The following FSTL5 variants were observed in gnomAD, a reference collection of about 807,000 sequenced individuals.
FSTL5 encodes follistatin-related protein 5.
Under a neutral mutation model 89.1 loss-of-function variants are expected in FSTL5, and 62 were observed. The ratio of observed to expected loss-of-function variants is 0.70; its 90% CI spans 0.57 to 0.86. FSTL5 has a LOEUF of 0.86. Ranked by LOEUF, FSTL5 falls within the 40% of genes least tolerant of loss-of-function variation. The probability of loss-of-function intolerance (pLI) is 0.00; values close to 1 mark genes in which losing one functional copy is unlikely to be tolerated. For synonymous variants in FSTL5, 383 were observed against 346.2 expected, an observed-to-expected ratio of 1.11 and a Z score of -1.18; for missense variants, 1,057 against 1,001.6, an observed-to-expected ratio of 1.06 and a Z score of -0.75.
At chr4:161,750,533 A>T (rs1472273287) in intron 6 of FSTL5, among the ~76,000 whole-genome samples, 1 of 152,140 alleles carries the variant, frequency 6.6e-6, no homozygotes, top group Non-Finnish European at 1.5e-5. Context: ...AAATTTCAAA[A>T]TATTAGGATG....
chr4:162,059,508 C>T (rs371382377), intron 2 of FSTL5, among the ~76,000 whole-genome samples: 252 of 152,210 alleles, frequency 1.7e-3, no homozygotes, highest in African/African-American at 5.8e-3. Context: ...AATATAATAT[C>T]TATTTGTGTT....
chr4:161,707,159 A>G (rs1381205309), intron 6 of FSTL5, among the ~76,000 whole-genome samples: 1 of 151,914 alleles, frequency 6.6e-6, no homozygotes, highest in Non-Finnish European at 1.5e-5. Context: ...TTCTAGAAAT[A>G]CAAATTGTTT....
intron 3 of FSTL5, among the ~76,000 whole-genome samples, chr4:161,946,931 G>A (rs1417591628): frequency 1.3e-5 from 2 of 151,998 alleles, no homozygotes; most frequent in African/African-American, 4.8e-5. Flanking sequence ...GATGTGGCAC[G>A]GTATCTTACT....
At position 161,765,877 on chromosome 4, in the gene FSTL5, C is replaced by T. The variant is rs140769364; in HGVS notation, c.607-6346G>A. Among the ~76,000 whole-genome samples the T allele has an allele frequency of 9.9e-5, 15 of 151,572 alleles. No individual in the cohort carries two copies. The East Asian group carries it at 1.8e-3, about 18-fold the overall frequency. ...GTGGCACAATCTCGGCTCACTGCAA[C>T]CTTGCCTCCCGGGTTCAAGCGATTC... is the stretch of plus-strand genomic sequence containing the variant. On this transcript the variant is annotated intron_variant, in intron 5 of 15. Coordinates refer to ENST00000306100, the MANE Select transcript of FSTL5 (RefSeq NM_020116.5).
chr4:161,613,190 C>T (rs1477996318), intron 7 of FSTL5, among the ~76,000 whole-genome samples: 1 of 152,148 alleles, frequency 6.6e-6, no homozygotes, highest in Non-Finnish European at 1.5e-5. Context: ...CGGTGGTTCA[C>T]GCCTGTTATC....
chr4:162,130,095 G>T (rs997320581), intron 1 of FSTL5, among the ~76,000 whole-genome samples: 2 of 152,158 alleles, frequency 1.3e-5, no homozygotes, highest in Admixed American at 1.3e-4. Context: ...AAGCAACGAA[G>T]TGGAGGTCTT....
intron 1 of FSTL5, among the ~76,000 whole-genome samples, chr4:162,147,445 T>G (rs1189099025): frequency 3.3e-5 from 5 of 152,168 alleles, no homozygotes; most frequent in African/African-American, 1.2e-4. Context: ...AAATCTACAA[T>G]TGTTCTTTCA....
chr4:161,439,356 C>T (rs1365806482), intron 15 of FSTL5, among the ~76,000 whole-genome samples: 1 of 152,088 alleles, frequency 6.6e-6, no homozygotes, highest in Non-Finnish European at 1.5e-5. Context: ...CACGTAGTGC[C>T]CACAGCAGAG....
chr4:161,489,661 G>A (rs892997657), intron 12 of FSTL5, among the ~76,000 whole-genome samples: 9 of 152,016 alleles, frequency 5.9e-5, no homozygotes, highest in African/African-American at 2.2e-4. Context: ...ATTGGTTAGT[G>A]AGGGAAAAAA....
intron 4 of FSTL5, among the ~76,000 whole-genome samples, chr4:161,912,284 A>G (rs1733715735): frequency 6.6e-6 from 1 of 152,206 alleles, no homozygotes; most frequent in Admixed American, 6.5e-5. Flanking sequence ...TGAATATGGT[A>G]AGTGAAATAT....
intron 4 of FSTL5, among the ~76,000 whole-genome samples, chr4:161,862,035 C>CAA (rs1731933520): frequency 6.6e-6 from 1 of 152,130 alleles, no homozygotes; most frequent in Admixed American, 6.5e-5. Context: ...AATTAACCCT[C>CAA]AATGGGAATG....
chr4:161,428,869 T>C (rs1013136650), intron 15 of FSTL5, among the ~76,000 whole-genome samples: 1 of 151,954 alleles, frequency 6.6e-6, no homozygotes, highest in Non-Finnish European at 1.5e-5. Context: ...GGGGACTTAG[T>C]TTTGCTGCTT....
chr4:161,625,263 G>T (rs1735275984), intron 7 of FSTL5, among the ~76,000 whole-genome samples: 1 of 152,018 alleles, frequency 6.6e-6, no homozygotes, highest in African/African-American at 2.4e-5. Context: ...CAAACGAAAA[G>T]GTTCTGGTAA....
intron 15 of FSTL5, among the ~76,000 whole-genome samples, chr4:161,444,123 A>T (rs1183856259): frequency 6.6e-6 from 1 of 151,960 alleles, no homozygotes; most frequent in East Asian, 1.9e-4. Context: ...TGTTTGGTGA[A>T]CAGAGTAGAG....
chr4:161,621,827 CAAAAAAAAA>C (rs58143952), intron 7 of FSTL5, among the ~76,000 whole-genome samples: 15,675 of 90,410 alleles, frequency 0.17, 940 homozygotes, highest in South Asian at 0.31. Flanking sequence ...TCTAAAAATA[CAAAAAAAAA>C]AAAAAAAAAA....
At chr4:161,973,828 C>T (rs977438271) in intron 3 of FSTL5, among the ~76,000 whole-genome samples, 71 of 152,014 alleles carry the variant, frequency 4.7e-4, no homozygotes, top group African/African-American at 1.6e-3. Context: ...AAGATTATCT[C>T]CCGACGACAT....
rs373004545 is a variant in FSTL5, at chr4:161,591,685, C to G, written c.895-4110G>C. 5.3e-5 allele frequency among the ~76,000 whole-genome samples: 8 copies of G among 152,076 alleles called. No individual in the cohort carries two copies. The East Asian group carries it at 1.3e-3, about 26-fold the overall frequency. On this transcript the variant is annotated intron_variant, in intron 7 of 15. Transcript: ENST00000306100. Reference sequence around the variant, plus strand: ...AAACATTGCAATCAGTAACAGAGAGCTAATTAACCACAGATTATCAAGACA... The same window carrying G: ...AAACATTGCAATCAGTAACAGAGAGGTAATTAACCACAGATTATCAAGACA...
chr4:161,808,672 G>C (rs939098554), intron 4 of FSTL5, among the ~76,000 whole-genome samples: 1 of 151,874 alleles, frequency 6.6e-6, no homozygotes, highest in Admixed American at 6.6e-5. Flanking sequence ...ATTGAAAACT[G>C]TTCACCAAAG....
At chr4:161,958,901 C>T (rs79281859) in intron 3 of FSTL5, among the ~76,000 whole-genome samples, 2,364 of 152,146 alleles carry the variant, frequency 0.016, 68 homozygotes, top group African/African-American at 0.053. Context: ...AGTATTTTGT[C>T]CTTTGAACTG....
Sources: gnomAD v4.1 joint callset for allele counts (sites outside exome capture counted in the v4.1 genomes callset) on GRCh38, gnomAD v4.1.1 for gene constraint, MANE v1.5 for transcripts, NCBI Gene and HGNC (gene_info 2026-07-23, HGNC 2026-07-21) for gene names.